The following GALNT2 variants were observed in gnomAD, a reference collection of about 807,000 sequenced individuals.
GALNT2 encodes polypeptide N-acetylgalactosaminyltransferase 2.
A neutral mutation model predicts 81.4 loss-of-function variants in GALNT2; 31 were observed. The observed-to-expected ratio is 0.38, with a 90% CI of 0.29 to 0.51. The LOEUF is 0.51. GALNT2 is among the 20% of genes least tolerant of loss of function. The pLI, the probability that GALNT2 is intolerant of heterozygous loss-of-function variation, is 0.87. For synonymous variants in GALNT2, 303 were observed against 287.4 expected (o/e 1.05, Z -0.55); for missense variants, 629 against 765.7 (o/e 0.82, Z 2.11).
intron 2 of GALNT2, among the ~76,000 whole-genome samples, chr1:230,200,590 C>T (rs1663860063): frequency 6.6e-6 from 1 of 152,208 alleles, no homozygotes; most frequent in Non-Finnish European, 1.5e-5. Flanking sequence ...TCCAGAAGGG[C>T]TGTGGGGGTG....
upstream of GALNT2, among the ~76,000 whole-genome samples, chr1:230,062,959 G>A (rs970681464): frequency 6.6e-6 from 1 of 152,074 alleles, no homozygotes; most frequent in Non-Finnish European, 1.5e-5. Flanking sequence ...CAGTGCGTAA[G>A]GGTTCCAATT....
Position 230,193,766 on chromosome 1 carries a change from G to A in GALNT2, c.221-9371G>A, listed in dbSNP as rs1280720516. On this transcript the variant is annotated intron_variant, in intron 2 of 15. Transcript: ENST00000366672. This position sits in a 1 kb window ranked among gnomAD's most constrained non-coding sequence, Gnocchi z 4.3. ...AAGTTCACTTGAAGATTGGTTATTA[G>A]GATCCCAGAATGAACTGTCCCATGG... Among the ~76,000 whole-genome samples, 1 of 152,198 alleles carries A rather than the reference G, an allele frequency of 6.6e-6. No homozygotes were observed. The highest frequency in any genetic ancestry group is 2.1e-4 in the South Asian group (1 of 4,830).
chr1:230,135,383 G>A (rs78781397), intron 1 of GALNT2, among the ~76,000 whole-genome samples: 13,770 of 150,122 alleles, frequency 0.092, 669 homozygotes, highest in South Asian at 0.12. Context: ...TGTTTCAGAA[G>A]AGAAACCATT....
At chr1:230,111,344 C>T (rs1382413003) in intron 1 of GALNT2, among the ~76,000 whole-genome samples, 1 of 152,248 alleles carries the variant, frequency 6.6e-6, no homozygotes, top group Non-Finnish European at 1.5e-5. Context: ...TGCCCATGCA[C>T]ATTTGCATAC....
intron 1 of GALNT2, among the ~76,000 whole-genome samples, chr1:230,127,638 T>C (rs1466477447): frequency 1.3e-5 from 2 of 151,974 alleles, no homozygotes; most frequent in Admixed American, 6.5e-5. Flanking sequence ...CCTCCCAAAA[T>C]GTTGGGATTA....
At chr1:230,198,897 TTTTCTCATGTTATTTAAATACC>T (rs1489664953) in intron 2 of GALNT2, among the ~76,000 whole-genome samples, 1 of 152,204 alleles carries the variant, frequency 6.6e-6, no homozygotes, top group Admixed American at 6.5e-5. Context: ...GCTCTCTTTC[TTTTCTCATGTTATTTAAATACC>T]TTTCTCATGT....
At chr1:230,079,399 ATT>A (rs1177019659) in intron 1 of GALNT2, among the ~76,000 whole-genome samples, 1 of 152,264 alleles carries the variant, frequency 6.6e-6, no homozygotes, top group Non-Finnish European at 1.5e-5. Flanking sequence ...TTCTTCCCAC[ATT>A]CACACACAGT....
chr1:230,178,939 C>T (rs975923683), intron 2 of GALNT2, among the ~76,000 whole-genome samples: 1 of 152,132 alleles, frequency 6.6e-6, no homozygotes, highest in Non-Finnish European at 1.5e-5. Context: ...TTTGCTCCCC[C>T]CAGCCCCTGG....
At chr1:230,265,414 G>A in intron 14 of GALNT2, 47 bp downstream of exon 14, 1 of 1,612,438 alleles carries the variant, frequency 6.2e-7, no homozygotes, top group South Asian at 1.1e-5. Context: ...AGAGAGAGCA[G>A]GAGTTGGGGG....
intron 2 of GALNT2, among the ~76,000 whole-genome samples, chr1:230,201,075 A>G (rs1372819299): frequency 6.6e-6 from 1 of 152,196 alleles, no homozygotes; most frequent in Non-Finnish European, 1.5e-5. Flanking sequence ...CCTTGAAAAT[A>G]TATGAGGGTG....
At chr1:230,258,333 G>T (rs1014269644) in intron 11 of GALNT2, among the ~76,000 whole-genome samples, 4 of 151,776 alleles carry the variant, frequency 2.6e-5, no homozygotes, top group African/African-American at 9.7e-5. Flanking sequence ...GGATTCAAGC[G>T]ACTCCCCTGC....
intron 3 of GALNT2, among the ~76,000 whole-genome samples, chr1:230,215,781 T>G (rs1250608948): frequency 6.6e-6 from 1 of 152,216 alleles, no homozygotes; most frequent in Non-Finnish European, 1.5e-5. Context: ...CTGGCCTGTC[T>G]TACAGCATTT....
intron 3 of GALNT2, among the ~76,000 whole-genome samples, chr1:230,223,344 A>ATT (rs5781576): frequency 6.7e-6 from 1 of 148,764 alleles, no homozygotes; most frequent in South Asian, 2.1e-4. Context: ...TATCTTACTG[A>ATT]TTTTTTTTCT....
intron 1 of GALNT2, among the ~76,000 whole-genome samples, chr1:230,141,722 G>C (rs770551295): frequency 2.7e-5 from 4 of 150,692 alleles, no homozygotes; most frequent in African/African-American, 9.7e-5. Context: ...TGGCTATTGT[G>C]AATAGTGCTG....
intron 12 of GALNT2, 101 bp from the exon 13 acceptor site, chr1:230,262,821 C>G: frequency 1.5e-6 from 2 of 1,340,390 alleles, no homozygotes; most frequent in Non-Finnish European, 2.1e-6. Context: ...CACCACACCA[C>G]CTGCCCCAAC....
At chr1:230,067,191 C>A, upstream of GALNT2, 1 of 786,468 alleles carries the variant, frequency 1.3e-6, no homozygotes, top group Non-Finnish European at 1.7e-6. Flanking sequence ...TCCCCTTCCT[C>A]CGCTCCTCCC....
At chr1:230,110,827 C>CA (rs1396881940) in intron 1 of GALNT2, among the ~76,000 whole-genome samples, 9 of 151,254 alleles carry the variant, frequency 6.0e-5, no homozygotes, top group African/African-American at 1.9e-4. Flanking sequence ...ATCAGCCTGA[C>CA]CGTGGAAAAC....
At chr1:230,263,397 C>G (rs960085882) in intron 13 of GALNT2, 1 of 197,512 alleles carries the variant, frequency 5.1e-6, no homozygotes, top group African/African-American at 2.3e-5. Flanking sequence ...CCCTCGATCC[C>G]CCCGCCAGGC....
chr1:230,080,949 G>A (rs1458277260), intron 1 of GALNT2, among the ~76,000 whole-genome samples: 1 of 152,160 alleles, frequency 6.6e-6, no homozygotes, highest in Admixed American at 6.5e-5. Context: ...GGGTTCTTGG[G>A]GAAGCTGCAT....
Sources: gnomAD v4.1 joint callset for allele counts (sites outside exome capture counted in the v4.1 genomes callset) on GRCh38, gnomAD v4.1.1 for gene constraint, Gnocchi (gnomAD v3.1) non-coding constraint, MANE v1.5 for transcripts, NCBI Gene and HGNC (gene_info 2026-07-23, HGNC 2026-07-21) for gene names.